The following SULT1B1 variants were observed in gnomAD, a reference collection of about 807,000 sequenced individuals.
SULT1B1 encodes sulfotransferase 1B1.
Under a neutral mutation model 34.6 loss-of-function variants are expected in SULT1B1, and 28 were observed. That is an observed-to-expected ratio of 0.81 (90% CI 0.60 to 1.11). The LOEUF (loss-of-function observed/expected upper bound fraction) is 1.11, where lower values mean the gene tolerates loss of function less well. Among genes scored for constraint, SULT1B1 ranks in the 50% least tolerant of loss-of-function variants. The probability of loss-of-function intolerance (pLI) is 0.00; values close to 1 mark genes in which losing one functional copy is unlikely to be tolerated. For synonymous variants in SULT1B1, 147 were observed against 110.2 expected (o/e 1.33, Z -2.09); for missense variants, 374 against 352.2 (o/e 1.06, Z -0.50).
intron 7 of SULT1B1, among the ~76,000 whole-genome samples, chr4:69,727,975 A>T (rs1717901002): frequency 6.6e-6 from 1 of 152,068 alleles, no homozygotes; most frequent in Admixed American, 6.6e-5. Flanking sequence ...TACAAGCTAT[A>T]TTAATCCACA....
chr4:69,735,113 C>T (rs973096488), intron 4 of SULT1B1, among the ~76,000 whole-genome samples: 3 of 152,088 alleles, frequency 2.0e-5, no homozygotes, highest in Non-Finnish European at 4.4e-5. Flanking sequence ...CCATCGTGCC[C>T]GGCCTTTTGT....
intron 4 of SULT1B1, among the ~76,000 whole-genome samples, chr4:69,745,874 C>CT (rs1476589944): frequency 6.6e-6 from 1 of 152,150 alleles, no homozygotes; most frequent in Non-Finnish European, 1.5e-5. Flanking sequence ...TTAGCACTCC[C>CT]TTAAGGACCT....
rs1717850271 is a variant in SULT1B1 at position 69,726,867 on chromosome 4, C to G, written c.*221G>C. The G allele has an allele frequency of 2.5e-6, 1 of 396,424 alleles. No individual in the cohort carries two copies. Among genetic ancestry groups the G allele is most frequent in the Non-Finnish European group, 4.5e-6 (1 of 224,094 alleles). The allele number at this position is 396,424 out of a possible 1,614,324, so 24.6% of individuals were successfully genotyped here. A position where few individuals can be genotyped will look rare whatever the true frequency, so the allele number is the denominator to read the frequency against. Reference sequence around the variant, plus strand: ...CTGTGGTTACATTGTTCCTTTGTTACAAAAAGTTAACAATGAACTTTAGCC... The same window carrying G: ...CTGTGGTTACATTGTTCCTTTGTTAGAAAAAGTTAACAATGAACTTTAGCC... On this transcript the variant is annotated 3_prime_UTR_variant, in exon 8 of 8. Coordinates refer to ENST00000310613, the MANE Select transcript of SULT1B1 (RefSeq NM_014465.4).
At chr4:69,758,352 A>G (rs1290425277) in intron 1 of SULT1B1, 4 of 985,306 alleles carry the variant, frequency 4.1e-6, no homozygotes, top group East Asian at 1.1e-4. Context: ...CAGTTTGGAT[A>G]TAAAGGAATC....
chr4:69,759,645 G>C (rs1221377613), intron 1 of SULT1B1, among the ~76,000 whole-genome samples: 2 of 152,134 alleles, frequency 1.3e-5, no homozygotes, highest in Non-Finnish European at 2.9e-5. Context: ...GTATGGAGAG[G>C]AGGACTGGAA....
rs544982130 is a variant in SULT1B1 at position 69,744,703 on chromosome 4, G to A, written c.375+5018C>T. ...TTGTTTTTGTTGATTTTTTTGTCTG[G>A]ATTTTCACATCTCAGTTTCATTCAG... On this transcript the variant is annotated intron_variant, in intron 4 of 7. Coordinates refer to ENST00000310613, the MANE Select transcript of SULT1B1 (RefSeq NM_014465.4). 1.4e-3 allele frequency among the ~76,000 whole-genome samples: 206 copies of A among 151,984 alleles called. 1 individual carries two copies. The highest frequency in any genetic ancestry group is 3.4e-3 in the Middle Eastern group (1 of 294).
chr4:69,746,994 G>A (rs11727948), intron 4 of SULT1B1, among the ~76,000 whole-genome samples: 44,784 of 152,100 alleles, frequency 0.29, 7,701 homozygotes, highest in South Asian at 0.45. Context: ...CCAGGGCTAT[G>A]TGCTCTGTCT....
intron 4 of SULT1B1, among the ~76,000 whole-genome samples, chr4:69,746,742 T>G (rs1035096620): frequency 6.6e-6 from 1 of 152,218 alleles, no homozygotes; most frequent in Non-Finnish European, 1.5e-5. Context: ...GCAAGCTAGT[T>G]AGGTCATTTG....
intron 1 of SULT1B1, among the ~76,000 whole-genome samples, chr4:69,759,365 G>T (rs553986174): frequency 1.3e-4 from 20 of 152,282 alleles, no homozygotes; most frequent in African/African-American, 4.6e-4. Flanking sequence ...TCAAACAAGA[G>T]TATTTACAAA....
At chr4:69,743,425 A>C (rs1403370325) in intron 4 of SULT1B1, among the ~76,000 whole-genome samples, 1 of 152,122 alleles carries the variant, frequency 6.6e-6, no homozygotes, top group African/African-American at 2.4e-5. Flanking sequence ...CCATTGGTCC[A>C]TGGGCAGCCA....
At position 69,754,656 on chromosome 4, in the gene SULT1B1, T is replaced by G. The variant is rs1474835903; in HGVS notation, c.277+14A>C. 2 of 1,610,314 alleles carry G rather than the reference T, an allele frequency of 1.2e-6. No homozygotes were observed. The highest frequency in any genetic ancestry group is 1.7e-5 in the Admixed American group (1 of 59,490). On this transcript the variant is annotated intron_variant, in intron 3 of 7. Coordinates refer to ENST00000310613, the MANE Select transcript of SULT1B1 (RefSeq NM_014465.4). ...AATATTACAAAATAATAATTCCAAGTGGGTTAAATTTACCTGATGTTCTTA... is the reference window on the plus strand; with the variant it reads ...AATATTACAAAATAATAATTCCAAGGGGGTTAAATTTACCTGATGTTCTTA...
intron 2 of SULT1B1, 42 bp downstream of exon 2, chr4:69,755,028 A>G: frequency 6.5e-7 from 1 of 1,535,952 alleles, no homozygotes; most frequent in Non-Finnish European, 8.9e-7. Context: ...CAGGAAACAA[A>G]AAATGAGGTC....
At chr4:69,739,727 G>C (rs1280939141) in intron 4 of SULT1B1, among the ~76,000 whole-genome samples, 1 of 152,168 alleles carries the variant, frequency 6.6e-6, no homozygotes, top group Non-Finnish European at 1.5e-5. Context: ...TTTCTCCCCA[G>C]AAAATAGGTT....
chr4:69,752,531 A>T (rs757212786), intron 3 of SULT1B1, among the ~76,000 whole-genome samples: 1 of 152,224 alleles, frequency 6.6e-6, no homozygotes, highest in Non-Finnish European at 1.5e-5. Context: ...TTATATAAGT[A>T]AAATAATAAT....
chr4:69,740,409 A>C (rs540135287), intron 4 of SULT1B1, among the ~76,000 whole-genome samples: 1 of 152,202 alleles, frequency 6.6e-6, no homozygotes, highest in Non-Finnish European at 1.5e-5. Context: ...GGGAAATGCC[A>C]GGTACTTATA....
chr4:69,756,953 C>G (rs745931306), intron 1 of SULT1B1, among the ~76,000 whole-genome samples: 4 of 140,758 alleles, frequency 2.8e-5, no homozygotes, highest in Admixed American at 7.5e-5. Flanking sequence ...CTGAAAACAC[C>G]CTCACAGACA....
intron 4 of SULT1B1, 150 bp from the exon 5 acceptor site, chr4:69,734,414 T>C: frequency 1.4e-6 from 1 of 718,638 alleles, no homozygotes. Flanking sequence ...AGCTAAAATA[T>C]AGAATCAATT....
rs1032226509 is a variant in SULT1B1, at chr4:69,722,445, A to T, written c.*4643T>A. ...ATTATTTAATAAAGATAATAGAGGA[A>T]ATAGATACATGATTTAGTTTACTTC... On this transcript the variant is annotated 3_prime_UTR_variant, in exon 8 of 8. Transcript: ENST00000310613. 1.3e-5 allele frequency: 2 copies of T among 152,162 alleles called. No homozygotes were observed. The highest frequency in any genetic ancestry group is 2.9e-5 in the Non-Finnish European group (2 of 68,020). 9.4% of individuals were successfully genotyped at this position (152,162 alleles called of 1,614,324 possible).
rs1411681312 is a variant in SULT1B1, at chr4:69,723,716, T to A, written c.*3372A>T. On this transcript the variant is annotated 3_prime_UTR_variant, in exon 8 of 8. Transcript: ENST00000310613. ...TTCATCCCTGGGATTCAAGGCTGGT[T>A]CAACATATGCAAATCAATAAATGTA... 1 of 152,162 alleles carries A rather than the reference T, an allele frequency of 6.6e-6. No homozygotes were observed. Among genetic ancestry groups the A allele is most frequent in the African/African-American group, 2.4e-5 (1 of 41,448 alleles). 9.4% of individuals were successfully genotyped at this position (152,162 alleles called of 1,614,324 possible).
Sources: allele counts gnomAD v4.1 joint callset (sites outside exome capture counted in the v4.1 genomes callset), GRCh38; gene constraint gnomAD v4.1.1; transcripts MANE v1.5; gene names NCBI Gene and HGNC (gene_info 2026-07-23, HGNC 2026-07-21).